Variants in ATG2A observed in about 807,000 individuals in gnomAD.
ATG2A encodes autophagy related 2A.
Under a neutral mutation model 214.2 loss-of-function variants are expected in ATG2A, and 103 were observed. The ratio of observed to expected loss-of-function variants is 0.48; its 90% CI spans 0.41 to 0.57. ATG2A has a LOEUF of 0.57. Ranked by LOEUF, ATG2A falls within the 20% of genes least tolerant of loss-of-function variation. The pLI is 0.00. For missense variants in ATG2A, 2,312 were observed against 2,613.2 expected (o/e 0.88, Z 2.51); for synonymous variants, 1,160 against 1,142.1 (o/e 1.02, Z -0.32).
Position 64,898,938 on chromosome 11 carries a change from G to C in ATG2A, c.4465-96C>G, listed in dbSNP as rs1290547871. On this transcript the variant is annotated intron_variant, in intron 31 of 40. Coordinates refer to ENST00000377264, the MANE Select transcript of ATG2A (RefSeq NM_015104.3). The surrounding 1 kb of genome is among the most constrained non-coding windows in gnomAD (Gnocchi z 4.5). ...CCTTCTCTATTCTTTTTTTGAGACA[G>C]AGTCTCACTCTGTCGCCCAGGTTGG... The C allele has an allele frequency of 7.4e-6, 9 of 1,214,582 alleles. No individual in the cohort carries two copies. Among genetic ancestry groups the C allele is most frequent in the Non-Finnish European group, 9.2e-6 (8 of 867,962 alleles). 75.2% of individuals were successfully genotyped at this position (1,214,582 alleles called of 1,614,324 possible).
chr11:64,901,182 AT>A (rs772328100), intron 29 of ATG2A, 90 bp from the exon 30 acceptor site: 155,349 of 1,009,688 alleles, frequency 0.15, no homozygotes, highest in South Asian at 0.2. Context: ...CTTCTTTTTC[AT>A]TTTTTTTTTT....
intron 6 of ATG2A, 34 bp from the exon 7 acceptor site, chr11:64,912,457 C>A: frequency 6.6e-7 from 1 of 1,515,460 alleles, no homozygotes; most frequent in Non-Finnish European, 8.9e-7. Flanking sequence ...GGAGCCTAGG[C>A]CCACCACCCA....
intron 24 of ATG2A, among the ~76,000 whole-genome samples, chr11:64,904,237 C>T (rs1421561484): frequency 1.0e-4 from 15 of 150,372 alleles, no homozygotes; most frequent in Admixed American, 1.0e-3. Context: ...CAGAGTGAGA[C>T]TCCATCTCAA....
Position 64,903,197 on chromosome 11 carries a change from C to T in ATG2A, c.3612+91G>A, listed in dbSNP as rs1944419862. ...GGCAGGCATGAACTGTGTCCGGAGC[C>T]CAGGCACGTGAGGGAGCAGCAGCCC... is the stretch of plus-strand genomic sequence containing the variant. On this transcript the variant is annotated intron_variant, in intron 26 of 40. Coordinates refer to ENST00000377264, the MANE Select transcript of ATG2A (RefSeq NM_015104.3). This position sits in a 1 kb window ranked among gnomAD's most constrained non-coding sequence, Gnocchi z 4.2. The T allele has an allele frequency of 4.0e-6, 5 of 1,247,964 alleles. No individual in the cohort carries two copies. The highest frequency in any genetic ancestry group is 4.6e-6 in the Non-Finnish European group (4 of 862,912). 77.3% of individuals were successfully genotyped at this position (1,247,964 alleles called of 1,614,324 possible).
At chr11:64,904,008 G>C (rs1488991162) in intron 24 of ATG2A, among the ~76,000 whole-genome samples, 1 of 152,232 alleles carries the variant, frequency 6.6e-6, no homozygotes, top group Non-Finnish European at 1.5e-5. Context: ...CACTTGGAGA[G>C]GCTGAGGCAG....
At chr11:64,896,202 T>C (rs1212039738) in intron 39 of ATG2A, among the ~76,000 whole-genome samples, 2 of 152,196 alleles carry the variant, frequency 1.3e-5, no homozygotes, top group Non-Finnish European at 2.9e-5. Flanking sequence ...AGACATGCCA[T>C]GAGCAGGAGA....
Position 64,895,276 on chromosome 11 carries a change from G to C in ATG2A, c.5580+14C>G. 1 of 1,613,120 alleles carries C rather than the reference G, an allele frequency of 6.2e-7. No individual in the cohort carries two copies. The highest frequency in any genetic ancestry group is 8.5e-7 in the Non-Finnish European group (1 of 1,179,846). On this transcript the variant is annotated intron_variant, in intron 40 of 40. Coordinates refer to ENST00000377264, the MANE Select transcript of ATG2A (RefSeq NM_015104.3). This position sits in a 1 kb window ranked among gnomAD's most constrained non-coding sequence, Gnocchi z 5.0. ...TGGGCATGGGGGACTGGGGCAGGGCGGGGGCCTGGTCACCTCTCGCACTGT... is the reference window on the plus strand; with the variant it reads ...TGGGCATGGGGGACTGGGGCAGGGCCGGGGCCTGGTCACCTCTCGCACTGT...
At chr11:64,896,945 T>G (rs1226804251) in intron 37 of ATG2A, 76 bp from the exon 38 acceptor site, 3 of 1,572,268 alleles carry the variant, frequency 1.9e-6, no homozygotes, top group South Asian at 2.3e-5. Flanking sequence ...TCAGGAGGAC[T>G]CAGTACCCCT....
chr11:64,904,357 C>T (rs1730680045), intron 24 of ATG2A, among the ~76,000 whole-genome samples: 1 of 151,932 alleles, frequency 6.6e-6, no homozygotes, highest in African/African-American at 2.4e-5. Flanking sequence ...CCAGCCTGAC[C>T]AACAAGGTGA....
At chr11:64,899,229 C>A (rs2136548313) in intron 31 of ATG2A, among the ~76,000 whole-genome samples, 1 of 152,288 alleles carries the variant, frequency 6.6e-6, no homozygotes, top group East Asian at 1.9e-4. Flanking sequence ...ATTCTATGCC[C>A]AGCAGGGACC....
In ATG2A at chr11:64,907,524, C is replaced by T. The variant is rs1338178268; in HGVS notation, c.2647+1G>A. ...TAGCCCAGCGTTAGCACCTCTCATA[C>T]CCAGCTTGAAGGCTGACTTGCACAT... On this transcript the variant is annotated splice_donor_variant, in intron 18 of 40. Transcript: ENST00000377264. LOFTEE classifies it high-confidence loss of function. The T allele has an allele frequency of 5.0e-6, 8 of 1,612,668 alleles. No homozygotes were observed. The Admixed American group carries it at 5.0e-5, about 10-fold the overall frequency.
At chr11:64,897,358 G>GA in intron 37 of ATG2A, 54 bp downstream of exon 37, 1 of 1,540,368 alleles carries the variant, frequency 6.5e-7, no homozygotes, top group Admixed American at 2.0e-5. Flanking sequence ...GTCAGGACCA[G>GA]AACAGAAGGA....
At chr11:64,896,406 G>C in intron 39 of ATG2A, 56 bp downstream of exon 39, 1 of 1,546,832 alleles carries the variant, frequency 6.5e-7, no homozygotes, top group Non-Finnish European at 8.8e-7. Context: ...GAGCTGTGGT[G>C]CAGAGGGCTC....
At position 64,907,604 on chromosome 11, in the gene ATG2A, G is replaced by A. The variant is rs376531944; in HGVS notation, c.2568C>T (p.Ala856=). 3.1e-4 allele frequency: 496 copies of A among 1,598,428 alleles called. No homozygotes were observed. The highest frequency in any genetic ancestry group is 3.8e-4 in the Non-Finnish European group (450 of 1,172,208). ...PADLLPTPDP[A]AQPSGFPGPS... is the part of the protein sequence containing the mutation. ...GGCCGGGGAAGCCCGAGGGCTGGGCGGCGGGGTCGGGGGTGGGAAGCAGAT... is the reference window on the plus strand; with the variant it reads ...GGCCGGGGAAGCCCGAGGGCTGGGCAGCGGGGTCGGGGGTGGGAAGCAGAT... Residue 856 remains alanine (A), a synonymous_variant, in exon 18 of 41, where the codon GCC becomes GCT. Transcript: ENST00000377264.
In ATG2A at chr11:64,895,132, C is replaced by G. The variant is rs375939691; in HGVS notation, c.5658G>C (p.Val1886=). ...GHEQKGLTGA[V]GGVIRQLPPT... Reference sequence around the variant, plus strand: ...GGGGCAGCTGGCGGATCACGCCCCCCACGGCGCCCGTCAGCCCCTTCTGCT... The same window carrying G: ...GGGGCAGCTGGCGGATCACGCCCCCGACGGCGCCCGTCAGCCCCTTCTGCT... The change falls in exon 41 of 41, where the codon GTG becomes GTC. Residue 1886 remains valine (V), a synonymous_variant. Transcript: ENST00000377264. The surrounding 1 kb of genome is among the most constrained non-coding windows in gnomAD (Gnocchi z 5.0). 6.2e-7 allele frequency: 1 copy of G among 1,613,114 alleles called. No individual in the cohort carries two copies. Among genetic ancestry groups the G allele is most frequent in the Non-Finnish European group, 8.5e-7 (1 of 1,179,772 alleles).
chr11:64,905,636 G>A lies in ATG2A; in HGVS notation c.3391C>T (p.Arg1131Cys), dbSNP rs773884095. ...VDYRPLYLPV[R>C]VLITAETFTL... is the part of the protein sequence containing the mutation. ...AAGGTCTCCGCGGTGATGAGGACAC[G>A]CACTGGGAGGTAGAGTGGCCTGGGG... The change falls in exon 24 of 41, where the codon CGT (arginine) becomes TGT (cysteine). Residue 1131 changes from arginine (R) to cysteine (C), a missense_variant. Transcript: ENST00000377264. The A allele has an allele frequency of 8.7e-6, 14 of 1,613,804 alleles. No homozygotes were observed. Among genetic ancestry groups the A allele is most frequent in the Admixed American group, 3.3e-5 (2 of 59,960 alleles).
At chr11:64,902,448 C>T (rs769801960) in intron 27 of ATG2A, 62 bp from the exon 28 acceptor site, 69 of 1,528,710 alleles carry the variant, frequency 4.5e-5, no homozygotes, top group South Asian at 1.5e-4. Flanking sequence ...ACCCCAGGCC[C>T]GAGGGCCATG....
intron 30 of ATG2A, 25 bp downstream of exon 30, chr11:64,900,859 G>A: frequency 2.6e-6 from 4 of 1,544,244 alleles, no homozygotes; most frequent in Non-Finnish European, 3.5e-6. Flanking sequence ...TTCACCAGCT[G>A]CCACCTGCAC....
intron 7 of ATG2A, 39 bp from the exon 8 acceptor site, chr11:64,912,288 T>TTC: frequency 1.2e-4 from 173 of 1,467,682 alleles, no homozygotes; most frequent in Non-Finnish European, 1.6e-4. Context: ...TGGCTGGCCC[T>TTC]CCCAGCCACC....
Sources: allele counts gnomAD v4.1 joint callset (sites outside exome capture counted in the v4.1 genomes callset), GRCh38; gene constraint gnomAD v4.1.1; non-coding constraint Gnocchi (gnomAD v3.1); transcripts MANE v1.5; gene names NCBI Gene and HGNC (gene_info 2026-07-23, HGNC 2026-07-21).